The following SH3PXD2A variants were observed in gnomAD, a reference collection of about 807,000 sequenced individuals.
SH3PXD2A encodes SH3 and PX domain-containing protein 2A.
SH3PXD2A carries 32 observed loss-of-function variants against 115.2 expected under a neutral mutation model. The observed-to-expected ratio is 0.28, with a 90% CI of 0.21 to 0.37. The LOEUF (loss-of-function observed/expected upper bound fraction) is 0.37. Ranked by LOEUF, SH3PXD2A falls within the 10% of genes least tolerant of loss-of-function variation. The pLI, the probability that SH3PXD2A is intolerant of heterozygous loss-of-function variation, is 1.00. For missense variants in SH3PXD2A, 1,328 were observed against 1,498.7 expected (o/e 0.89, Z 1.88); for synonymous variants, 610 against 629.1 (o/e 0.97, Z 0.45).
chr10:103,814,010 A>AAC (rs1355951787), intron 1 of SH3PXD2A, among the ~76,000 whole-genome samples: 12 of 135,190 alleles, frequency 8.9e-5, no homozygotes, highest in South Asian at 5.7e-4. Flanking sequence ...AAAAAAAAAA[A>AAC]AAAAACAACA....
At chr10:103,671,680 C>T (rs1044699429) in intron 6 of SH3PXD2A, among the ~76,000 whole-genome samples, 1 of 152,114 alleles carries the variant, frequency 6.6e-6, no homozygotes, top group African/African-American at 2.4e-5. Context: ...AACCCTGGCC[C>T]TCCAGCCAGG....
At chr10:103,607,960 C>T (rs1221264572) in intron 13 of SH3PXD2A, among the ~76,000 whole-genome samples, 4 of 151,618 alleles carry the variant, frequency 2.6e-5, no homozygotes, top group Non-Finnish European at 5.9e-5. Context: ...GCAGCATGCT[C>T]GTTAAGAGTC....
chr10:103,614,950 G>A (rs1344282764), intron 11 of SH3PXD2A, among the ~76,000 whole-genome samples: 1 of 152,206 alleles, frequency 6.6e-6, no homozygotes, highest in Admixed American at 6.5e-5. Flanking sequence ...CCTCCCCAGG[G>A]ATTGGGAGGC....
At chr10:103,628,892 C>G (rs966998162) in intron 8 of SH3PXD2A, among the ~76,000 whole-genome samples, 9 of 152,214 alleles carry the variant, frequency 5.9e-5, no homozygotes. Context: ...CCCAGATTGC[C>G]CACTTCTCAG....
intron 2 of SH3PXD2A, among the ~76,000 whole-genome samples, chr10:103,798,090 A>G (rs181027619): frequency 1.5e-3 from 223 of 152,250 alleles, no homozygotes; most frequent in African/African-American, 5.0e-3. Flanking sequence ...TCGGGAACAA[A>G]GGAAAACATC....
chr10:103,602,592 C>T lies in SH3PXD2A; in HGVS notation c.2626G>A (p.Gly876Arg), dbSNP rs775722872. The T allele has an allele frequency of 9.3e-6, 15 of 1,614,062 alleles. No individual in the cohort carries two copies. Among genetic ancestry groups the T allele is most frequent in the African/African-American group, 1.3e-5 (1 of 74,934 alleles). Reference sequence around the variant, plus strand: ...TCCCCAAACCTCACATACCACCACCCGCTCTCCTGCTTCTCCAGCACCTGC... The same window carrying T: ...TCCCCAAACCTCACATACCACCACCTGCTCTCCTGCTTCTCCAGCACCTGC... ...EVQVLEKQES[G>R]WWYVRFGELE... Residue 876 changes from glycine to arginine, a missense_variant, in exon 15 of 15, where the codon GGG (glycine) becomes AGG (arginine). By Grantham distance (125) the Gly-to-Arg change is moderately radical. Coordinates refer to ENST00000369774, the MANE Select transcript of SH3PXD2A (RefSeq NM_001394015.1).
At chr10:103,694,546 GA>G (rs61278939) in intron 5 of SH3PXD2A, among the ~76,000 whole-genome samples, 135,746 of 152,174 alleles carry the variant, frequency 0.89, 60,770 homozygotes, top group East Asian at 1. Context: ...CAAGGTCCAG[GA>G]AATCTGCATT....
intron 8 of SH3PXD2A, among the ~76,000 whole-genome samples, chr10:103,629,862 G>A (rs761102554): frequency 6.6e-6 from 1 of 152,220 alleles, no homozygotes; most frequent in Non-Finnish European, 1.5e-5. Context: ...AAAGGGCCTA[G>A]GCCTGTCCCC....
intron 1 of SH3PXD2A, among the ~76,000 whole-genome samples, chr10:103,829,531 T>C (rs1054507935): frequency 6.6e-6 from 1 of 152,242 alleles, no homozygotes; most frequent in Non-Finnish European, 1.5e-5. Context: ...TGTAATCCTG[T>C]GTCAACCACC....
intron 2 of SH3PXD2A, 78 bp downstream of exon 2, chr10:103,801,204 C>G: frequency 1.2e-6 from 1 of 854,202 alleles, no homozygotes; most frequent in Non-Finnish European, 2.0e-6. Context: ...CTTGGGGGCT[C>G]CCTGGATAAG....
At chr10:103,804,284 C>G (rs1351157826) in intron 1 of SH3PXD2A, among the ~76,000 whole-genome samples, 4 of 147,684 alleles carry the variant, frequency 2.7e-5, no homozygotes, top group Admixed American at 6.7e-5. Context: ...TTGCAGGGGG[C>G]CTTCAAATTT....
At chr10:103,725,886 A>C (rs2038235296) in intron 4 of SH3PXD2A, among the ~76,000 whole-genome samples, 1 of 152,082 alleles carries the variant, frequency 6.6e-6, no homozygotes, top group African/African-American at 2.4e-5. Context: ...ATAAAACAAA[A>C]TAAAATAAAA....
intron 8 of SH3PXD2A, among the ~76,000 whole-genome samples, chr10:103,638,326 T>G (rs1489783772): frequency 6.6e-6 from 1 of 152,204 alleles, no homozygotes; most frequent in Non-Finnish European, 1.5e-5. Context: ...CAAGACAGCC[T>G]GGGCTGCTGC....
chr10:103,776,161 A>T (rs1370705359), intron 2 of SH3PXD2A, among the ~76,000 whole-genome samples: 1 of 152,104 alleles, frequency 6.6e-6, no homozygotes, highest in Admixed American at 6.6e-5. Flanking sequence ...CCAAGGCAGG[A>T]GGATTGCTTA....
intron 2 of SH3PXD2A, among the ~76,000 whole-genome samples, chr10:103,790,150 G>A (rs547440106): frequency 1.3e-5 from 2 of 151,836 alleles, no homozygotes; most frequent in South Asian, 4.2e-4. Flanking sequence ...AAAACAGAAA[G>A]AGGACTTTCT....
At chr10:103,641,614 C>T (rs568483893) in intron 8 of SH3PXD2A, among the ~76,000 whole-genome samples, 36 of 152,132 alleles carry the variant, frequency 2.4e-4, no homozygotes, top group Non-Finnish European at 4.9e-4. Context: ...TCTATTATGC[C>T]CCAAATTCCC....
chr10:103,611,865 A>G (rs1055057513), intron 12 of SH3PXD2A, among the ~76,000 whole-genome samples: 7 of 152,186 alleles, frequency 4.6e-5, no homozygotes, highest in Admixed American at 1.3e-4. Flanking sequence ...ACACTCTAAA[A>G]TTATGTGCAC....
intron 2 of SH3PXD2A, among the ~76,000 whole-genome samples, chr10:103,787,316 C>T (rs2038989810): frequency 6.6e-6 from 1 of 152,224 alleles, no homozygotes; most frequent in African/African-American, 2.4e-5. Flanking sequence ...AACTGCCAGA[C>T]TCAGGCAGCA....
Position 103,619,120 on chromosome 10 carries a change from G to A in SH3PXD2A, c.803-1806C>T, listed in dbSNP as rs940643151. Among the ~76,000 whole-genome samples, 9 of 152,198 alleles carry A rather than the reference G, an allele frequency of 5.9e-5. No individual in the cohort carries two copies. The South Asian group carries it at 8.3e-4, about 14-fold the overall frequency. On this transcript the variant is annotated intron_variant, in intron 10 of 14. Transcript: ENST00000369774. ...TCTGCTGCAGAACTTGGTCAGCATC[G>A]ACTCAGGGAGGGCCTTACTCTGGAG...
Sources: gnomAD v4.1 joint callset for allele counts (sites outside exome capture counted in the v4.1 genomes callset) on GRCh38, gnomAD v4.1.1 for gene constraint, MANE v1.5 for transcripts, NCBI Gene and HGNC (gene_info 2026-07-23, HGNC 2026-07-21) for gene names.